KIFAP3: variants seen among roughly 807,000 people sequenced by gnomAD.
KIFAP3 encodes the protein kinesin-associated protein 3.
KIFAP3 carries 68 observed loss-of-function variants against 106.5 expected under a neutral mutation model. That is an observed-to-expected ratio of 0.64 (90% CI 0.53 to 0.78). The LOEUF (loss-of-function observed/expected upper bound fraction) is 0.78, where lower values mean the gene tolerates loss of function less well. Among genes scored for constraint, KIFAP3 ranks in the 30% least tolerant of loss-of-function variants. The pLI, the probability that KIFAP3 is intolerant of heterozygous loss-of-function variation, is 0.00. For missense variants in KIFAP3, 780 were observed against 941.8 expected (o/e 0.83, Z 2.25); for synonymous variants, 320 against 311.5 (o/e 1.03, Z -0.29).
intron 5 of KIFAP3, among the ~76,000 whole-genome samples, chr1:170,037,125 T>G (rs1040250044): frequency 2.6e-5 from 4 of 151,914 alleles, no homozygotes; most frequent in Admixed American, 6.6e-5. Flanking sequence ...TATCATCAAA[T>G]AAACCAATGG....
intron 9 of KIFAP3, among the ~76,000 whole-genome samples, chr1:170,021,434 GTTTTTT>G (rs746455008): frequency 8.8e-6 from 1 of 113,788 alleles, no homozygotes; most frequent in Non-Finnish European, 1.8e-5. Flanking sequence ...TTGTTATTAA[GTTTTTT>G]TTTTTTTTTT....
chr1:170,043,494 T>C (rs1670088330), intron 3 of KIFAP3, among the ~76,000 whole-genome samples: 3 of 152,136 alleles, frequency 2.0e-5, no homozygotes, highest in Admixed American at 6.6e-5. Flanking sequence ...ATGCAAGCCA[T>C]ATGGGACTGG....
intron 1 of KIFAP3, among the ~76,000 whole-genome samples, chr1:170,073,655 T>C (rs1461229601): frequency 6.6e-6 from 1 of 152,094 alleles, no homozygotes; most frequent in Non-Finnish European, 1.5e-5. Context: ...AGTACTGAAT[T>C]AAAATTTTTT....
At chr1:170,052,208 C>G (rs373781348) in intron 2 of KIFAP3, among the ~76,000 whole-genome samples, 2 of 152,216 alleles carry the variant, frequency 1.3e-5, no homozygotes, top group South Asian at 4.1e-4. Flanking sequence ...CTACAAACAC[C>G]TCGAAGCAAA....
intron 10 of KIFAP3, among the ~76,000 whole-genome samples, chr1:170,010,134 C>T (rs1473600395): frequency 6.6e-6 from 1 of 151,656 alleles, no homozygotes; most frequent in Non-Finnish European, 1.5e-5. Context: ...ATTTAGTATC[C>T]TTATGAAATC....
chr1:169,928,723 T>TAAAAAAAAAAAAAAAAA (rs1258694998), intron 19 of KIFAP3, among the ~76,000 whole-genome samples: 54 of 65,282 alleles, frequency 8.3e-4, no homozygotes, highest in South Asian at 2.0e-3. Flanking sequence ...AAAAAAAAAT[T>TAAAAAAAAAAAAAAAAA]AAAGTTATAC....
At chr1:170,023,159 A>G (rs959993866) in intron 9 of KIFAP3, among the ~76,000 whole-genome samples, 5 of 152,110 alleles carry the variant, frequency 3.3e-5, no homozygotes, top group African/African-American at 4.8e-5. Flanking sequence ...TCCCAAAATA[A>G]TATCAGGCAC....
chr1:169,998,755 A>C (rs757905782), intron 10 of KIFAP3, among the ~76,000 whole-genome samples: 1 of 152,218 alleles, frequency 6.6e-6, no homozygotes. Flanking sequence ...TACAAATCAC[A>C]TATTTTCTTT....
At chr1:170,016,936 C>T (rs1668551795) in intron 9 of KIFAP3, among the ~76,000 whole-genome samples, 1 of 152,140 alleles carries the variant, frequency 6.6e-6, no homozygotes, top group Non-Finnish European at 1.5e-5. Flanking sequence ...AAGAAGATCT[C>T]ACCTTGGCCT....
rs1306809084 is a variant in KIFAP3 at position 169,921,810 on chromosome 1, T to C, written c.2274-29A>G. On this transcript the variant is annotated intron_variant, in intron 19 of 19. Coordinates refer to ENST00000361580, the MANE Select transcript of KIFAP3 (RefSeq NM_014970.4). ...AAAAAGAAAAAAAAGAATGATAAGC[T>C]ATGTTTTTCATCACACATCCACAAT... The C allele has an allele frequency of 2.0e-6, 3 of 1,532,834 alleles. No individual in the cohort carries two copies. In the South Asian group the frequency reaches 3.4e-5, roughly 17 times the overall value. The allele number at this position is 1,532,834 out of a possible 1,614,324, so 95.0% of individuals were successfully genotyped here.
intron 2 of KIFAP3, among the ~76,000 whole-genome samples, chr1:170,054,021 CA>C (rs1670712819): frequency 6.6e-6 from 1 of 152,162 alleles, no homozygotes; most frequent in African/African-American, 2.4e-5. Context: ...AGAGCCTCTG[CA>C]CAGCAAAAGA....
At chr1:170,023,692 T>C (rs977773087) in intron 9 of KIFAP3, among the ~76,000 whole-genome samples, 3 of 152,046 alleles carry the variant, frequency 2.0e-5, no homozygotes, top group African/African-American at 2.4e-5. Context: ...TTTAATGACA[T>C]GGTAAAAAGC....
At chr1:170,075,151 A>G (rs1671873834), upstream of KIFAP3, among the ~76,000 whole-genome samples, 5 of 152,322 alleles carry the variant, frequency 3.3e-5, no homozygotes, top group South Asian at 1.0e-3. Context: ...AAACAACAGC[A>G]ACAAAAAACA....
intron 1 of KIFAP3, 118 bp downstream of exon 1, chr1:170,074,318 C>A (rs1353856585): frequency 2.5e-6 from 3 of 1,221,450 alleles, no homozygotes; most frequent in African/African-American, 1.5e-5. Flanking sequence ...TGACTTCTCT[C>A]CCTGCTTCCC....
chr1:169,992,479 G>T (rs1455429961), intron 10 of KIFAP3, among the ~76,000 whole-genome samples: 1 of 151,892 alleles, frequency 6.6e-6, no homozygotes, highest in Admixed American at 6.6e-5. Context: ...ATTTCCCAAG[G>T]TATAGTTTTG....
intron 9 of KIFAP3, among the ~76,000 whole-genome samples, chr1:170,017,255 C>CA (rs11417586): frequency 0.023 from 1,603 of 70,038 alleles, 76 homozygotes; most frequent in African/African-American, 0.079. Flanking sequence ...GAGACTGTCT[C>CA]AAAAAAAAAA....
At chr1:170,060,903 A>C (rs1030157901) in intron 1 of KIFAP3, among the ~76,000 whole-genome samples, 1 of 152,220 alleles carries the variant, frequency 6.6e-6, no homozygotes, top group African/African-American at 2.4e-5. Context: ...AAAAACAAGC[A>C]ATGGGGAAAG....
At chr1:170,003,036 A>C (rs188118435) in intron 10 of KIFAP3, among the ~76,000 whole-genome samples, 1 of 152,186 alleles carries the variant, frequency 6.6e-6, no homozygotes, top group South Asian at 2.1e-4. Flanking sequence ...TTCTCAAACT[A>C]TCTGTGGTGG....
In KIFAP3 at chr1:169,982,690, C is replaced by A. The variant is rs1437065847; in HGVS notation, c.1672+12G>T. Reference sequence around the variant, plus strand: ...TTAGTGATTATACAAAAGTGAAATACTTAGCACAAACCTGGTTTTAGTTTA... The same window carrying A: ...TTAGTGATTATACAAAAGTGAAATAATTAGCACAAACCTGGTTTTAGTTTA... On this transcript the variant is annotated intron_variant, in intron 14 of 19. Coordinates refer to ENST00000361580, the MANE Select transcript of KIFAP3 (RefSeq NM_014970.4). The A allele has an allele frequency of 3.3e-6, 5 of 1,524,438 alleles. No homozygotes were observed. Among genetic ancestry groups the A allele is most frequent in the Non-Finnish European group, 4.4e-6 (5 of 1,125,660 alleles). The allele number at this position is 1,524,438 out of a possible 1,614,324, so 94.4% of individuals were successfully genotyped here.
Sources: gnomAD v4.1 joint callset for allele counts (sites outside exome capture counted in the v4.1 genomes callset) on GRCh38, gnomAD v4.1.1 for gene constraint, MANE v1.5 for transcripts, NCBI Gene and HGNC (gene_info 2026-07-23, HGNC 2026-07-21) for gene names.